CTPS2: variants seen among roughly 807,000 people sequenced by gnomAD.
CTPS2 encodes the protein CTP synthase II.
CTPS2 carries 19 observed loss-of-function variants against 46.8 expected under a neutral mutation model. The observed-to-expected ratio is 0.41, with a 90% confidence interval of 0.28 to 0.60. The LOEUF is 0.60. CTPS2 is among the 20% of genes least tolerant of loss of function. CTPS2 has a pLI of 0.35. For missense variants in CTPS2, 286 were observed against 447.6 expected (o/e 0.64, Z 3.26); for synonymous variants, 151 against 165.2 (o/e 0.91, Z 0.66).
At chrX:16,597,970 T>A (rs867086653) in intron 17 of CTPS2, among the ~76,000 whole-genome samples, 69 of 107,547 alleles carry the variant, frequency 6.4e-4, no homozygotes, top group Non-Finnish European at 9.6e-4. Flanking sequence ...TGAATGGGAG[T>A]TCACTCATGA....
At chrX:16,654,642 A>T (rs1187784474) in intron 13 of CTPS2, 3 of 368,409 alleles carry the variant, frequency 8.1e-6, no homozygotes, top group Non-Finnish European at 4.8e-6. Flanking sequence ...AGGTTCAGTT[A>T]TTATTAATAA....
intron 14 of CTPS2, among the ~76,000 whole-genome samples, chrX:16,626,635 T>C (rs1261383456): frequency 1.8e-5 from 2 of 111,550 alleles, no homozygotes; most frequent in Non-Finnish European, 3.8e-5. Context: ...CCCACTCTTG[T>C]CCATGATGCC....
intron 14 of CTPS2, among the ~76,000 whole-genome samples, chrX:16,622,133 G>A (rs1209361083): frequency 1.8e-5 from 2 of 110,659 alleles, no homozygotes; most frequent in African/African-American, 3.3e-5. Flanking sequence ...GGCCGGGCGC[G>A]GTGGCTCACA....
At chrX:16,678,302 C>T (rs1476495832) in intron 10 of CTPS2, 60 bp downstream of exon 10, 1 of 754,124 alleles carries the variant, frequency 1.3e-6, no homozygotes, top group Non-Finnish European at 2.0e-6. Context: ...TAAACTGAAT[C>T]ATTACAGAAA....
intron 13 of CTPS2, among the ~76,000 whole-genome samples, chrX:16,655,693 C>T (rs1932800495): frequency 8.9e-6 from 1 of 112,310 alleles, no homozygotes; most frequent in Non-Finnish European, 1.9e-5. Flanking sequence ...TTTATCCTCG[C>T]AACTCTCCTC....
chrX:16,625,645 G>C (rs945418702), intron 14 of CTPS2, among the ~76,000 whole-genome samples: 1 of 111,561 alleles, frequency 9.0e-6, no homozygotes, highest in African/African-American at 3.3e-5. Context: ...GAAAGAATCA[G>C]GTCACACATG....
intron 15 of CTPS2, 39 bp from the exon 16 acceptor site, chrX:16,617,285 C>A (rs1268922576): frequency 9.0e-6 from 9 of 1,000,045 alleles, no homozygotes; most frequent in Non-Finnish European, 1.3e-5. Context: ...GGCCACAGTG[C>A]AATACCAGCT....
intron 14 of CTPS2, among the ~76,000 whole-genome samples, chrX:16,623,146 G>A (rs1388497420): frequency 1.8e-5 from 2 of 110,897 alleles, no homozygotes; most frequent in Admixed American, 9.6e-5. Flanking sequence ...TATACAGTAG[G>A]TATATATATT....
At chrX:16,710,355 G>T (rs1925381016) in intron 1 of CTPS2, among the ~76,000 whole-genome samples, 1 of 111,935 alleles carries the variant, frequency 8.9e-6, no homozygotes, top group Admixed American at 9.5e-5. Flanking sequence ...TCTTTAAGGG[G>T]TTTTCATTTC....
At chrX:16,697,329 A>G (rs1171106968) in intron 4 of CTPS2, among the ~76,000 whole-genome samples, 2 of 110,650 alleles carry the variant, frequency 1.8e-5, no homozygotes, top group Non-Finnish European at 3.8e-5. Context: ...AATTAAGCCA[A>G]CTGACATTTA....
At position 16,590,928 on chromosome X, in the gene CTPS2, C is replaced by G. The variant is rs1928868077; in HGVS notation, c.1692-66G>C. On this transcript the variant is annotated intron_variant, in intron 17 of 18. Transcript: ENST00000359276. Reference sequence around the variant, plus strand: ...AAAACCTGGACAATTATTCAATTTGCAATTTCAAACACATTCCATATTAAC... The same window carrying G: ...AAAACCTGGACAATTATTCAATTTGGAATTTCAAACACATTCCATATTAAC... The G allele has an allele frequency of 1.7e-5, 13 of 749,321 alleles. No individual in the cohort carries two copies. The South Asian group carries it at 3.1e-4, about 18-fold the overall frequency. The allele number at this position is 749,321 out of a possible 1,213,427, so 61.8% of individuals were successfully genotyped here.
intron 13 of CTPS2, among the ~76,000 whole-genome samples, chrX:16,645,162 T>A (rs1932259658): frequency 9.2e-6 from 1 of 108,695 alleles, no homozygotes; most frequent in Admixed American, 9.8e-5. Context: ...TTTTTTTTTT[T>A]TTTTGTATTT....
At chrX:16,614,151 C>T (rs753990241) in intron 16 of CTPS2, among the ~76,000 whole-genome samples, 6 of 111,902 alleles carry the variant, frequency 5.4e-5, no homozygotes, top group African/African-American at 1.3e-4. Context: ...AGAAAGTTTA[C>T]GAAATTGTGT....
chrX:16,631,221 G>A (rs374593525), intron 14 of CTPS2, among the ~76,000 whole-genome samples: 4 of 111,118 alleles, frequency 3.6e-5, no homozygotes, highest in South Asian at 7.7e-4. Context: ...GGTGGCGGGC[G>A]CCTGTAGCTC....
In CTPS2 at chrX:16,678,379, C is replaced by A; in HGVS notation, c.1077G>T (p.Gln359His). 8.4e-7 allele frequency: 1 copy of A among 1,197,456 alleles called. No individual in the cohort carries two copies. Among genetic ancestry groups the A allele is most frequent in the African/African-American group, 1.7e-5 (1 of 57,609 alleles). ...EDPVKFHEAWQKLCKADGILV... is the reference protein window; with the variant it reads ...EDPVKFHEAWHKLCKADGILV... ...GTACTCACTCAGCTTTGCATAGCTT[C>A]TGCCAAGCTTCATGAAATTTCACAG... Residue 359 changes from glutamine (Q) to histidine (H), a missense_variant, in exon 10 of 19, where the codon CAG (glutamine) becomes CAT (histidine). Coordinates refer to ENST00000359276, the MANE Select transcript of CTPS2 (RefSeq NM_175859.3).
At chrX:16,646,487 A>G (rs1353908953) in intron 13 of CTPS2, among the ~76,000 whole-genome samples, 2 of 112,684 alleles carry the variant, frequency 1.8e-5, no homozygotes, top group Non-Finnish European at 3.7e-5. Context: ...TCAACTGCTG[A>G]AGGTGAGCAC....
At chrX:16,687,717 C>A (rs191136073) in intron 8 of CTPS2, among the ~76,000 whole-genome samples, 37 of 110,485 alleles carry the variant, frequency 3.3e-4, no homozygotes, top group African/African-American at 1.2e-3. Context: ...ATTCCACTTG[C>A]CCCAGAAAAT....
At chrX:16,683,262 A>G (rs1922884555) in intron 8 of CTPS2, 36 bp from the exon 9 acceptor site, 1 of 1,189,094 alleles carries the variant, frequency 8.4e-7, no homozygotes, top group African/African-American at 1.7e-5. Flanking sequence ...TTATATGCAC[A>G]TAACAGAACA....
intron 13 of CTPS2, among the ~76,000 whole-genome samples, chrX:16,639,829 GAAGA>G (rs760042535): frequency 1.9e-5 from 2 of 102,920 alleles, no homozygotes; most frequent in African/African-American, 7.2e-5. Context: ...AAGAAAGAAA[GAAGA>G]AAAGAAAAGG....
Sources: allele counts gnomAD v4.1 joint callset (sites outside exome capture counted in the v4.1 genomes callset), GRCh38; gene constraint gnomAD v4.1.1; transcripts MANE v1.5; gene names NCBI Gene and HGNC (gene_info 2026-07-23, HGNC 2026-07-21).